Variants in STK39 observed in about 807,000 individuals in gnomAD.
STK39 encodes serine/threonine kinase 39.
In STK39, 20 loss-of-function variants were observed where a neutral mutation model predicts 77.8. The observed-to-expected ratio is 0.26, with a 90% CI of 0.18 to 0.37. STK39 has a LOEUF of 0.37. STK39 is among the 10% of genes least tolerant of loss of function. The pLI is 1.00. For missense variants in STK39, 479 were observed against 656.5 expected (o/e 0.73, Z 2.95); for synonymous variants, 246 against 234.1 (o/e 1.05, Z -0.47).
chr2:168,140,357 T>C lies in STK39; in HGVS notation c.772A>G (p.Ser258Gly). The change falls in exon 7 of 18, where the codon AGT becomes GGT. Residue 258 changes from serine (S) to glycine (G), a missense_variant. By Grantham distance (56) the Ser-to-Gly change is moderately conservative (BLOSUM62 0). Transcript: ENST00000355999. ...RGYDFKADMW[S>G]FGITAIELAT... ...AATTCAATGGCAGTTATTCCAAAAC[T>C]CCACATGTCAGCCTTGAAGTCATAG... The C allele has an allele frequency of 6.2e-7, 1 of 1,613,892 alleles. No individual in the cohort carries two copies. The highest frequency in any genetic ancestry group is 1.1e-5 in the South Asian group (1 of 91,074).
At chr2:168,197,249 G>A (rs1689495707) in intron 1 of STK39, among the ~76,000 whole-genome samples, 1 of 152,194 alleles carries the variant, frequency 6.6e-6, no homozygotes, top group South Asian at 2.1e-4. Context: ...CTGATAGATT[G>A]GAAGTTAAAT....
At chr2:168,172,287 A>T (rs1688848088) in intron 2 of STK39, among the ~76,000 whole-genome samples, 1 of 152,230 alleles carries the variant, frequency 6.6e-6, no homozygotes, top group South Asian at 2.1e-4. Flanking sequence ...AGACCATGGC[A>T]GCAGCCGTCA....
chr2:168,175,351 G>T (rs1688931564), intron 2 of STK39, among the ~76,000 whole-genome samples: 1 of 151,888 alleles, frequency 6.6e-6, no homozygotes, highest in Non-Finnish European at 1.5e-5. Flanking sequence ...TATGTGCTGG[G>T]TCCCTGTTAC....
intron 10 of STK39, among the ~76,000 whole-genome samples, chr2:168,079,526 T>C (rs1349223084): frequency 2.0e-5 from 3 of 152,214 alleles, no homozygotes; most frequent in Non-Finnish European, 4.4e-5. Context: ...CCACTACAGA[T>C]GGCCACCGGC....
At chr2:168,065,158 T>C (rs1292451083) in intron 13 of STK39, among the ~76,000 whole-genome samples, 161 bp downstream of exon 13, 1 of 152,002 alleles carries the variant, frequency 6.6e-6, no homozygotes, top group Non-Finnish European at 1.5e-5. Flanking sequence ...AGGTTGGAGG[T>C]CCCACAAAGC....
intron 14 of STK39, among the ~76,000 whole-genome samples, chr2:168,024,281 T>C (rs1684643324): frequency 6.6e-6 from 1 of 152,156 alleles, no homozygotes; most frequent in Admixed American, 6.5e-5. Flanking sequence ...GGATCTGAGT[T>C]CAAAACCACA....
intron 12 of STK39, among the ~76,000 whole-genome samples, chr2:168,070,689 T>C (rs1209805832): frequency 6.7e-6 from 1 of 148,580 alleles, no homozygotes; most frequent in Non-Finnish European, 1.5e-5. Flanking sequence ...AGTGAGAACA[T>C]GCGGTGTTTG....
intron 10 of STK39, among the ~76,000 whole-genome samples, chr2:168,110,643 A>G (rs1347958315): frequency 6.6e-6 from 1 of 152,180 alleles, no homozygotes; most frequent in African/African-American, 2.4e-5. Context: ...CCTGTCATAC[A>G]TCAAGTTTTC....
intron 10 of STK39, among the ~76,000 whole-genome samples, chr2:168,078,257 G>A (rs371082348): frequency 1.3e-3 from 197 of 151,974 alleles, no homozygotes; most frequent in African/African-American, 4.0e-3. Flanking sequence ...ATGAAAACCC[G>A]TTAAATAAAT....
chr2:168,048,646 T>C (rs1046325808), intron 14 of STK39, among the ~76,000 whole-genome samples: 2 of 152,212 alleles, frequency 1.3e-5, no homozygotes, highest in Admixed American at 6.5e-5. Context: ...AAATGAAACC[T>C]GCTAGAAAAC....
chr2:168,073,607 G>C (rs1017678845), intron 12 of STK39, among the ~76,000 whole-genome samples: 2 of 152,014 alleles, frequency 1.3e-5, no homozygotes, highest in African/African-American at 4.8e-5. Context: ...TAACAAAGGG[G>C]GATGAGGTCT....
At chr2:168,096,128 G>T (rs1231517148) in intron 10 of STK39, among the ~76,000 whole-genome samples, 2 of 151,990 alleles carry the variant, frequency 1.3e-5, no homozygotes, top group Non-Finnish European at 2.9e-5. Context: ...ATATGTTTTT[G>T]CAATCTAACT....
intron 10 of STK39, among the ~76,000 whole-genome samples, chr2:168,076,589 G>A (rs1284859564): frequency 6.6e-6 from 1 of 152,110 alleles, no homozygotes; most frequent in South Asian, 2.1e-4. Context: ...AAGTAATCCT[G>A]ACCAGTTGGT....
intron 17 of STK39, among the ~76,000 whole-genome samples, chr2:167,960,196 T>A (rs1043018738): frequency 2.0e-5 from 3 of 152,162 alleles, no homozygotes; most frequent in African/African-American, 7.2e-5. Context: ...TCACCAGAGA[T>A]GGGGAGCTGA....
intron 15 of STK39, 126 bp downstream of exon 15, chr2:168,016,913 GTCTA>G: frequency 1.5e-6 from 1 of 676,812 alleles, no homozygotes; most frequent in South Asian, 2.5e-5. Flanking sequence ...CCTTCCTTCT[GTCTA>G]TCTCTCCTTC....
intron 5 of STK39, among the ~76,000 whole-genome samples, chr2:168,154,749 G>A (rs951298082): frequency 1.3e-5 from 2 of 152,128 alleles, no homozygotes; most frequent in African/African-American, 2.4e-5. Flanking sequence ...GCTTACCACT[G>A]TGTCAGCTGA....
intron 10 of STK39, among the ~76,000 whole-genome samples, chr2:168,086,671 A>G (rs1432128789): frequency 6.6e-6 from 1 of 152,250 alleles, no homozygotes; most frequent in Non-Finnish European, 1.5e-5. Context: ...ACACATTTAT[A>G]GCAACTTCCT....
intron 8 of STK39, among the ~76,000 whole-genome samples, chr2:168,133,822 C>T (rs58303458): frequency 0.016 from 2,395 of 151,492 alleles, 59 homozygotes; most frequent in African/African-American, 0.053. Flanking sequence ...CATGCCATTC[C>T]ACTCCAGCCT....
chr2:168,131,593 G>C (rs1434557333), intron 8 of STK39, among the ~76,000 whole-genome samples: 3 of 152,162 alleles, frequency 2.0e-5, no homozygotes, highest in Non-Finnish European at 4.4e-5. Context: ...GAAATTTTCT[G>C]TGTAAATCAT....
Sources: allele counts gnomAD v4.1 joint callset (sites outside exome capture counted in the v4.1 genomes callset), GRCh38; gene constraint gnomAD v4.1.1; transcripts MANE v1.5; gene names NCBI Gene and HGNC (gene_info 2026-07-23, HGNC 2026-07-21).